Variants in CENPP observed in about 807,000 individuals in gnomAD.
CENPP encodes the protein centromere protein P.
A neutral mutation model predicts 35.6 loss-of-function variants in CENPP; 24 were observed. The ratio of observed to expected loss-of-function variants is 0.67; its 90% CI spans 0.49 to 0.95. The LOEUF is 0.95. Among genes scored for constraint, CENPP ranks in the 40% least tolerant of loss-of-function variants. CENPP has a pLI of 0.00. For missense variants in CENPP, 332 were observed against 345.3 expected, an observed-to-expected ratio of 0.96 and a Z score of 0.31; for synonymous variants, 120 against 125.5, an observed-to-expected ratio of 0.96 and a Z score of 0.29.
Position 92,446,082 on chromosome 9 carries a change from G to GA in CENPP, c.564+66232dup, listed in dbSNP as rs895429572. On this transcript the variant is annotated intron_variant, in intron 5 of 7. Coordinates refer to ENST00000375587, the MANE Select transcript of CENPP (RefSeq NM_001012267.3). ...AAGTTGCTAGCACTGTAAATGTAAA[G>GA]AAAAAAAAACTCTCCATCACTGGAA... 8.6e-5 allele frequency among the ~76,000 whole-genome samples: 13 copies of GA among 150,828 alleles called. 1 individual carries two copies. The Middle Eastern group carries it at 0.017, about 199-fold the overall frequency.
intron 5 of CENPP, chr9:92,474,778 A>G (rs1845653462): frequency 6.2e-7 from 1 of 1,612,132 alleles, no homozygotes; most frequent in East Asian, 2.2e-5. Context: ...CATCATCATC[A>G]TCATCATCTG....
At chr9:92,472,487 G>A (rs1220595350) in intron 5 of CENPP, among the ~76,000 whole-genome samples, 4 of 151,830 alleles carry the variant, frequency 2.6e-5, no homozygotes, top group African/African-American at 7.3e-5. Flanking sequence ...GTAAAACCTC[G>A]TCTCTACTAA....
At chr9:92,457,826 G>A (rs972226224) in intron 5 of CENPP, among the ~76,000 whole-genome samples, 2 of 151,908 alleles carry the variant, frequency 1.3e-5, no homozygotes, top group Admixed American at 6.6e-5. Context: ...ACATACATGC[G>A]TAATGTTTAC....
Position 92,615,081 on chromosome 9 carries a change from C to T in CENPP, c.*1932C>T, listed in dbSNP as rs1402980297. On this transcript the variant is annotated 3_prime_UTR_variant, in exon 8 of 8. Transcript: ENST00000375587. ...CAGCCAGTCACAGCTCCACCTCCAA[C>T]TTCTACAGCAGCAATTTTTAGTGGG... 1 of 152,330 alleles carries T rather than the reference C, an allele frequency of 6.6e-6. No homozygotes were observed. The highest frequency in any genetic ancestry group is 1.9e-4 in the East Asian group (1 of 5,214). 9.4% of individuals were successfully genotyped at this position (152,330 alleles called of 1,614,324 possible). A position where few individuals can be genotyped will look rare whatever the true frequency, so the allele number is the denominator to read the frequency against.
Position 92,325,993 on chromosome 9 carries a change from C to A in CENPP, c.-6C>A. 1 of 1,548,926 alleles carries A rather than the reference C, an allele frequency of 6.5e-7. No individual in the cohort carries two copies. Among genetic ancestry groups the A allele is most frequent in the Non-Finnish European group, 8.7e-7 (1 of 1,145,912 alleles). ...CTGCCGGCCCGGCTGCGGTCAGCAA[C>A]GCGCCATGGACGCAGAGCTGGCAGA... On this transcript the variant is annotated 5_prime_UTR_variant, in exon 1 of 8. Coordinates refer to ENST00000375587, the MANE Select transcript of CENPP (RefSeq NM_001012267.3).
chr9:92,582,192 T>A (rs1054406393), intron 5 of CENPP, among the ~76,000 whole-genome samples: 12 of 152,144 alleles, frequency 7.9e-5, no homozygotes, highest in African/African-American at 2.9e-4. Flanking sequence ...TAGCTGAGAC[T>A]ACAGGCACAT....
chr9:92,589,794 T>C (rs1392414061), intron 5 of CENPP, among the ~76,000 whole-genome samples: 1 of 152,234 alleles, frequency 6.6e-6, no homozygotes, highest in East Asian at 1.9e-4. Flanking sequence ...TAGTTCAAAT[T>C]GTTGTTGAAT....
chr9:92,613,171 G>A lies in CENPP; in HGVS notation c.*22G>A, dbSNP rs1428934854. The stretch of plus-strand genomic sequence containing the variant: ...CTAGTTCCAAAACAGTGAACGTGGA[G>A]GATGAAGATGCTGCGTGGAGGAACA... On this transcript the variant is annotated 3_prime_UTR_variant, in exon 8 of 8. Coordinates refer to ENST00000375587, the MANE Select transcript of CENPP (RefSeq NM_001012267.3). 1.9e-6 allele frequency: 3 copies of A among 1,613,888 alleles called. No homozygotes were observed. In the Admixed American group the frequency reaches 5.0e-5, roughly 27 times the overall value.
chr9:92,554,726 T>C (rs10820988), intron 5 of CENPP, among the ~76,000 whole-genome samples: 74,241 of 151,962 alleles, frequency 0.49, 21,591 homozygotes, highest in African/African-American at 0.81. Flanking sequence ...CAACCTCCGC[T>C]GCCCGGCTTC....
upstream of CENPP, chr9:92,325,898 T>A: frequency 1.0e-6 from 1 of 958,422 alleles, no homozygotes; most frequent in Non-Finnish European, 1.6e-6. Context: ...AGCTCTGGGA[T>A]GGTCCGCGCC....
intron 6 of CENPP, 106 bp from the exon 7 acceptor site, chr9:92,612,417 A>G: frequency 1.2e-6 from 1 of 829,582 alleles, no homozygotes; most frequent in East Asian, 2.5e-5. Flanking sequence ...GGTTTCTAGC[A>G]GGGGAGCCCA....
chr9:92,572,069 G>A (rs1850158257), intron 5 of CENPP, among the ~76,000 whole-genome samples: 1 of 152,048 alleles, frequency 6.6e-6, no homozygotes, highest in Admixed American at 6.6e-5. Context: ...CTTTTAATTG[G>A]AGCATTTAGC....
intron 5 of CENPP, among the ~76,000 whole-genome samples, chr9:92,555,611 A>G (rs1156670140): frequency 6.6e-6 from 1 of 152,124 alleles, no homozygotes; most frequent in Non-Finnish European, 1.5e-5. Flanking sequence ...TTTATTTACA[A>G]GCTAGGAAGA....
At chr9:92,523,922 A>G (rs11791805) in intron 5 of CENPP, among the ~76,000 whole-genome samples, 17,302 of 152,220 alleles carry the variant, frequency 0.11, 1,077 homozygotes, top group Middle Eastern at 0.15. Flanking sequence ...TTTTATGGCC[A>G]GTTTATGCAG....
At chr9:92,368,409 T>C (rs1841938328) in intron 4 of CENPP, among the ~76,000 whole-genome samples, 1 of 152,264 alleles carries the variant, frequency 6.6e-6, no homozygotes, top group African/African-American at 2.4e-5. Flanking sequence ...ACTCAGCCTG[T>C]ATTCTAGCTT....
In CENPP at chr9:92,379,770, G is replaced by C. The variant is rs1307247577; in HGVS notation, c.475G>C (p.Glu159Gln). 9 of 1,606,142 alleles carry C rather than the reference G, an allele frequency of 5.6e-6. No individual in the cohort carries two copies. The highest frequency in any genetic ancestry group is 7.7e-6 in the Non-Finnish European group (9 of 1,172,988). The change falls in exon 5 of 8, where the codon GAG becomes CAG. Residue 159 changes from glutamate (E) to glutamine (Q), a missense_variant. Glu to Gln is a conservative substitution (Grantham distance 29, BLOSUM62 2). Transcript: ENST00000375587. ...AATCATTTATTCCTACAGAGCAGAA[G>C]AGAGAAAAGATCTGTTCATGTTTTT... ...ELSEFVSRAEERKDLFMFFRS... is the reference protein window; with the variant it reads ...ELSEFVSRAEQRKDLFMFFRS...
intron 5 of CENPP, among the ~76,000 whole-genome samples, chr9:92,581,107 C>T (rs1350982077): frequency 6.6e-6 from 1 of 151,974 alleles, no homozygotes; most frequent in Non-Finnish European, 1.5e-5. Flanking sequence ...TGTAGTTGAG[C>T]GGTTTTGAGT....
In CENPP at chr9:92,613,065, C is replaced by T. The variant is rs1275107713; in HGVS notation, c.783C>T (p.Ser261=). The change falls in exon 8 of 8, where the codon AGC becomes AGT. Residue 261 remains serine (S), a synonymous_variant. Transcript: ENST00000375587. ...GAGCCATAGAAACTGCTCCTCTCAG[C>T]TTCCGAACCCTGGTAGGACTGCTTG... ...KNRAIETAPL[S]FRTLVGLLGI... is the part of the protein sequence containing the mutation. 1 of 1,614,172 alleles carries T rather than the reference C, an allele frequency of 6.2e-7. No homozygotes were observed. The highest frequency in any genetic ancestry group is 2.2e-5 in the East Asian group (1 of 44,880).
intron 5 of CENPP, among the ~76,000 whole-genome samples, chr9:92,409,126 C>G (rs2130944500): frequency 6.6e-6 from 1 of 152,168 alleles, no homozygotes; most frequent in South Asian, 2.1e-4. Context: ...AATTCATAAC[C>G]TAAACAAGTA....
Sources: allele counts gnomAD v4.1 joint callset (sites outside exome capture counted in the v4.1 genomes callset), GRCh38; gene constraint gnomAD v4.1.1; transcripts MANE v1.5; gene names NCBI Gene and HGNC (gene_info 2026-07-23, HGNC 2026-07-21).